Variants in HOOK3 observed in about 807,000 individuals in gnomAD.
HOOK3 encodes the protein protein Hook homolog 3.
In HOOK3, 24 loss-of-function variants were observed where a neutral mutation model predicts 116.3. The observed-to-expected ratio is 0.21, with a 90% CI of 0.15 to 0.29. The LOEUF is 0.29. Ranked by LOEUF, HOOK3 falls within the 10% of genes least tolerant of loss-of-function variation. The pLI is 1.00. For synonymous variants in HOOK3, 275 were observed against 283.0 expected (o/e 0.97, Z 0.28); for missense variants, 632 against 830.2 (o/e 0.76, Z 2.93).
At chr8:42,961,604 T>C (rs1303500367) in intron 8 of HOOK3, among the ~76,000 whole-genome samples, 1 of 152,180 alleles carries the variant, frequency 6.6e-6, no homozygotes, top group Non-Finnish European at 1.5e-5. Flanking sequence ...CACTAGATAA[T>C]GTCTAAGGTT....
intron 4 of HOOK3, among the ~76,000 whole-genome samples, chr8:42,940,614 A>T (rs1808095255): frequency 6.6e-6 from 1 of 152,068 alleles, no homozygotes; most frequent in Non-Finnish European, 1.5e-5. Context: ...CTGCAGAGAG[A>T]TCTGCTGTTA....
intron 13 of HOOK3, among the ~76,000 whole-genome samples, chr8:42,976,116 TCTAATTC>T (rs1380829811): frequency 6.6e-6 from 1 of 152,060 alleles, no homozygotes; most frequent in African/African-American, 2.4e-5. Context: ...GTGATTTAAG[TCTAATTC>T]CTACTTTGTT....
chr8:42,931,422 TCTC>T (rs1328906887), intron 4 of HOOK3, among the ~76,000 whole-genome samples: 1 of 148,078 alleles, frequency 6.8e-6, no homozygotes, highest in East Asian at 1.9e-4. Flanking sequence ...ATTCTTCTCT[TCTC>T]TTTTTTTTTT....
intron 11 of HOOK3, among the ~76,000 whole-genome samples, chr8:42,970,882 G>A (rs1234561917): frequency 6.8e-6 from 1 of 147,682 alleles, no homozygotes; most frequent in East Asian, 2.0e-4. Context: ...CGACCCCCCA[G>A]GCTCAGGTGA....
chr8:42,992,026 GTATTT>G (rs1809171963), intron 15 of HOOK3, among the ~76,000 whole-genome samples: 1 of 151,894 alleles, frequency 6.6e-6, no homozygotes, highest in African/African-American at 2.4e-5. Flanking sequence ...TAATTCCTAG[GTATTT>G]TATTTTATCT....
At chr8:43,015,952 G>A (rs375085987) in intron 21 of HOOK3, among the ~76,000 whole-genome samples, 7 of 151,086 alleles carry the variant, frequency 4.6e-5, no homozygotes, top group Admixed American at 1.3e-4. Flanking sequence ...TCCTGACCTC[G>A]TGATTCACCC....
At chr8:42,904,467 G>C (rs1012806724) in intron 1 of HOOK3, among the ~76,000 whole-genome samples, 1 of 151,936 alleles carries the variant, frequency 6.6e-6, no homozygotes, top group African/African-American at 2.4e-5. Context: ...GTGCCATCAG[G>C]CCTGGTTAAT....
At chr8:42,957,922 C>T (rs1202530904) in intron 7 of HOOK3, among the ~76,000 whole-genome samples, 7 of 151,698 alleles carry the variant, frequency 4.6e-5, no homozygotes, top group Non-Finnish European at 1.0e-4. Context: ...CTTCACCTCC[C>T]GGGTTCTCAC....
intron 11 of HOOK3, among the ~76,000 whole-genome samples, chr8:42,972,839 A>G (rs1413409507): frequency 1.3e-5 from 2 of 152,116 alleles, no homozygotes; most frequent in African/African-American, 4.8e-5. Context: ...CTCCTTTTAA[A>G]GCTCTAGGTT....
Position 43,026,755 on chromosome 8 carries a change from T to G in HOOK3, c.*8257T>G, listed in dbSNP as rs1204432872. The G allele has an allele frequency of 4.4e-6, 1 of 228,482 alleles. No homozygotes were observed. The highest frequency in any genetic ancestry group is 2.2e-5 in the African/African-American group (1 of 45,058). The allele number at this position is 228,482 out of a possible 1,614,324, so 14.2% of individuals were successfully genotyped here. A position where few individuals can be genotyped will look rare whatever the true frequency, so the allele number is the denominator to read the frequency against. ...AAGCCAAGTTCTGGGAGCTGTCAAGTCGGAGGATCAGGAAAATGGTGGGGA... is the reference window on the plus strand; with the variant it reads ...AAGCCAAGTTCTGGGAGCTGTCAAGGCGGAGGATCAGGAAAATGGTGGGGA... On this transcript the variant is annotated 3_prime_UTR_variant, in exon 22 of 22. Coordinates refer to ENST00000307602, the MANE Select transcript of HOOK3 (RefSeq NM_032410.4).
chr8:42,915,944 T>C (rs1011541014), intron 2 of HOOK3, among the ~76,000 whole-genome samples: 4 of 152,190 alleles, frequency 2.6e-5, no homozygotes, highest in African/African-American at 9.7e-5. Context: ...CTTACAGTAG[T>C]ACATGAGATC....
intron 4 of HOOK3, among the ~76,000 whole-genome samples, chr8:42,939,882 A>T (rs1808069928): frequency 7.3e-6 from 1 of 137,446 alleles, no homozygotes; most frequent in South Asian, 2.4e-4. Context: ...ATCTCAGACG[A>T]TGGGCGGCCG....
intron 5 of HOOK3, among the ~76,000 whole-genome samples, chr8:42,948,295 C>T (rs1808273264): frequency 6.6e-6 from 1 of 152,170 alleles, no homozygotes; most frequent in South Asian, 2.1e-4. Flanking sequence ...AGCTACCTCA[C>T]ATAGCAAATC....
chr8:43,005,853 C>T (rs1171066742), intron 17 of HOOK3, among the ~76,000 whole-genome samples: 1 of 150,062 alleles, frequency 6.7e-6, no homozygotes, highest in Non-Finnish European at 1.5e-5. Context: ...CCCCCCACCA[C>T]ACCCAGCTCA....
chr8:42,963,596 T>C (rs758438473), intron 8 of HOOK3, among the ~76,000 whole-genome samples: 3 of 152,242 alleles, frequency 2.0e-5, no homozygotes, highest in Non-Finnish European at 4.4e-5. Context: ...ATTGCTAAAC[T>C]ATTTTCCAAA....
rs1308072122 is a variant in HOOK3 at position 42,959,314 on chromosome 8, G to A, written c.615G>A (p.Gln205=). The stretch of plus-strand genomic sequence containing the variant: ...AAAGATGCCATGAACTGGATATGCA[G>A]GTAAGAGATTTGTTCTGTGCACCAC... The part of the protein sequence containing the change: ...IAQRCHELDM[Q]VAALQEEKSS... Residue 205 remains glutamine, a splice_region_variant and synonymous_variant, in exon 8 of 22, where the codon CAG becomes CAA. Transcript: ENST00000307602. 1.2e-6 allele frequency: 2 copies of A among 1,602,880 alleles called. No homozygotes were observed. Among genetic ancestry groups the A allele is most frequent in the East Asian group, 4.5e-5 (2 of 44,834 alleles).
In HOOK3 at chr8:42,964,473, A is replaced by G. The variant is rs1432456546; in HGVS notation, c.778A>G (p.Arg260Gly). The G allele has an allele frequency of 6.2e-6, 10 of 1,610,308 alleles. No individual in the cohort carries two copies. Among genetic ancestry groups the G allele is most frequent in the South Asian group, 3.3e-5 (3 of 90,650 alleles). Residue 260 changes from arginine (R) to glycine (G), a missense_variant and splice_region_variant, in exon 9 of 22, where the codon AGA (arginine) becomes GGA (glycine). Transcript: ENST00000307602. ...AGAACAGCTCCAAGAAGAAACATTC[A>G]GGTAAAAGACAACTCATTAAAATCT... Reference protein sequence around the residue: ...QLEQLQEETFRLEAAKDDYRI... With the variant: ...QLEQLQEETFGLEAAKDDYRI...
At position 42,951,858 on chromosome 8, in the gene HOOK3, T is replaced by G. The variant is rs1468272486; in HGVS notation, c.468+1403T>G. 1.3e-5 allele frequency among the ~76,000 whole-genome samples: 2 copies of G among 152,016 alleles called. 1 individual carries two copies. Among genetic ancestry groups the G allele is most frequent in the South Asian group, 4.1e-4 (2 of 4,822 alleles). On this transcript the variant is annotated intron_variant, in intron 6 of 21. Transcript: ENST00000307602. ...CGGGAGGCTGAGGCAGGAAAATTGC[T>G]TGAACTTAGGAGGCAGAGGTTGGAG...
chr8:42,949,362 G>A (rs1808294943), intron 5 of HOOK3: 1 of 152,166 alleles, frequency 6.6e-6, no homozygotes, highest in Non-Finnish European at 1.5e-5. Context: ...TAGCTTATTG[G>A]AGGTGTGGAT....
Sources: gnomAD v4.1 joint callset for allele counts (sites outside exome capture counted in the v4.1 genomes callset) on GRCh38, gnomAD v4.1.1 for gene constraint, MANE v1.5 for transcripts, NCBI Gene and HGNC (gene_info 2026-07-23, HGNC 2026-07-21) for gene names.